PLB1: variants seen among roughly 807,000 people sequenced by gnomAD.
The protein encoded by PLB1 is phospholipase B1, also known as phospholipase B1, membrane-associated.
In PLB1, 242 loss-of-function variants were observed where a neutral mutation model predicts 227.4. The observed-to-expected ratio is 1.06, with a 90% CI of 0.96 to 1.18. The LOEUF (loss-of-function observed/expected upper bound fraction) is 1.18, where lower values mean the gene tolerates loss of function less well. Ranked by LOEUF, PLB1 falls within the 50% of genes most tolerant of loss-of-function variation. The pLI, the probability that PLB1 is intolerant of heterozygous loss-of-function variation, is 0.00. For synonymous variants in PLB1, 757 were observed against 682.2 expected, an observed-to-expected ratio of 1.11 and a Z score of -1.71; for missense variants, 1,858 against 1,816.3, an observed-to-expected ratio of 1.02 and a Z score of -0.42.
chr2:28,581,652 C>T (rs1040382774), intron 23 of PLB1, among the ~76,000 whole-genome samples: 10 of 152,046 alleles, frequency 6.6e-5, no homozygotes, highest in African/African-American at 2.4e-4. Flanking sequence ...TCAATATTGC[C>T]CACTGTGACT....
In PLB1 at chr2:28,532,123, T is replaced by C; in HGVS notation, c.484T>C (p.Phe162Leu). Residue 162 changes from phenylalanine (F) to leucine (L), a missense_variant, in exon 9 of 58, where the codon TTT becomes CTT. By Grantham distance (22) the Phe-to-Leu change is conservative (BLOSUM62 0). Coordinates refer to ENST00000327757, the MANE Select transcript of PLB1 (RefSeq NM_153021.5). ...MKENLQLDFQ[F>L]DWKLINVFFS... Reference sequence around the variant, plus strand: ...TTTTATTCAGCAACTTGACTTTCAATTTGACTGGAAGCTCATCAATGTGTT... The same window carrying C: ...TTTTATTCAGCAACTTGACTTTCAACTTGACTGGAAGCTCATCAATGTGTT... 6.2e-7 allele frequency: 1 copy of C among 1,611,924 alleles called. No individual in the cohort carries two copies. The highest frequency in any genetic ancestry group is 1.7e-5 in the Admixed American group (1 of 59,594).
intron 8 of PLB1, among the ~76,000 whole-genome samples, chr2:28,531,392 A>G (rs1433962895): frequency 6.6e-6 from 1 of 152,010 alleles, no homozygotes; most frequent in African/African-American, 2.4e-5. Context: ...TTTCATCACA[A>G]CTTCCACCTC....
chr2:28,550,138 C>T, intron 16 of PLB1, 54 bp downstream of exon 16: 1 of 1,318,696 alleles, frequency 7.6e-7, no homozygotes, highest in Non-Finnish European at 1.1e-6. Context: ...AGGGGCTGTA[C>T]TTCTTGCTGA....
At chr2:28,497,525 C>G (rs1666595170) in intron 1 of PLB1, among the ~76,000 whole-genome samples, 2 of 152,286 alleles carry the variant, frequency 1.3e-5, no homozygotes, top group South Asian at 4.1e-4. Flanking sequence ...GGGAGTGTAT[C>G]TGGCTTTCTC....
chr2:28,631,493 T>C (rs143932919), intron 54 of PLB1, among the ~76,000 whole-genome samples: 2 of 152,358 alleles, frequency 1.3e-5, no homozygotes, highest in African/African-American at 4.8e-5. Flanking sequence ...TTTTTCCAGA[T>C]GGATGATAAA....
chr2:28,589,521 GTTC>G lies in PLB1; in HGVS notation c.1890_1892del (p.Phe631del), dbSNP rs1681501792. The G allele has an allele frequency of 6.2e-7, 1 of 1,614,150 alleles. No homozygotes were observed. Among genetic ancestry groups the G allele is most frequent in the East Asian group, 2.2e-5 (1 of 44,872 alleles). ...AAGATTTTACTGTGGTTGTGCAGCC[GTTC>G]TTTGAAAACGTGGACATGCCAAAGA... is the stretch of plus-strand genomic sequence containing the variant. On this transcript the variant is annotated inframe_deletion, in exon 27 of 58. Coordinates refer to ENST00000327757, the MANE Select transcript of PLB1 (RefSeq NM_153021.5).
chr2:28,520,007 C>T (rs576136164), intron 4 of PLB1, among the ~76,000 whole-genome samples: 16 of 152,258 alleles, frequency 1.1e-4, no homozygotes, highest in African/African-American at 3.4e-4. Flanking sequence ...TGGCTGACCA[C>T]AACCTCCGTT....
Position 28,519,702 on chromosome 2 carries a change from C to T in PLB1, c.185-3C>T. 6.2e-7 allele frequency: 1 copy of T among 1,606,922 alleles called. No homozygotes were observed. Among genetic ancestry groups the T allele is most frequent in the Non-Finnish European group, 8.5e-7 (1 of 1,173,730 alleles). On this transcript the variant is annotated splice_polypyrimidine_tract_variant and splice_region_variant and intron_variant, in intron 3 of 57. Transcript: ENST00000327757. ...CTTCCTATATGGGTTCTTGTCTCCA[C>T]AGTTCACTCTCTGAAGCCTTCTGAT...
At chr2:28,631,963 C>T in intron 54 of PLB1, 73 bp from the exon 55 acceptor site, 1 of 1,310,270 alleles carries the variant, frequency 7.6e-7, no homozygotes, top group Non-Finnish European at 1.1e-6. Flanking sequence ...ACAACCAATC[C>T]AAGGCAGCAG....
chr2:28,565,257 A>G (rs753965834), intron 18 of PLB1, 23 bp from the exon 19 acceptor site: 9 of 1,599,846 alleles, frequency 5.6e-6, no homozygotes, highest in Non-Finnish European at 7.7e-6. Context: ...AGAGAAACTC[A>G]CCCCCTCATT....
At chr2:28,557,747 G>A (rs1416440943) in intron 17 of PLB1, among the ~76,000 whole-genome samples, 1 of 152,192 alleles carries the variant, frequency 6.6e-6, no homozygotes, top group Non-Finnish European at 1.5e-5. Flanking sequence ...TAGCTAATCA[G>A]CCCACACAAA....
chr2:28,643,052 G>C lies in PLB1; in HGVS notation c.4368G>C (p.Val1456=). 6.3e-7 allele frequency: 1 copy of C among 1,599,072 alleles called. No homozygotes were observed. Among genetic ancestry groups the C allele is most frequent in the Non-Finnish European group, 8.5e-7 (1 of 1,172,880 alleles). Residue 1456 remains valine (V), a synonymous_variant, in exon 58 of 58, where the codon GTG becomes GTC. Coordinates refer to ENST00000327757, the MANE Select transcript of PLB1 (RefSeq NM_153021.5). ...ATCCTCCAATGAGCCTGCGCACTGT[G>C]GCCCTCTAGGCCCGGGGGTGGGTCC... The part of the protein sequence containing the change: ...REDPPMSLRT[V]AL
chr2:28,525,445 A>G, intron 5 of PLB1, 138 bp downstream of exon 5: 6 of 971,136 alleles, frequency 6.2e-6, no homozygotes, highest in Non-Finnish European at 9.2e-6. Flanking sequence ...AGAAGGTAGC[A>G]GAGAAGCTCC....
intron 11 of PLB1, among the ~76,000 whole-genome samples, chr2:28,539,471 C>T (rs1200056416): frequency 2.0e-5 from 3 of 152,166 alleles, no homozygotes; most frequent in Non-Finnish European, 4.4e-5. Flanking sequence ...TTTCAGAGTT[C>T]GCCTTGGCAA....
chr2:28,631,397 C>T (rs1199005757), intron 54 of PLB1, among the ~76,000 whole-genome samples: 7 of 152,166 alleles, frequency 4.6e-5, no homozygotes, highest in African/African-American at 1.7e-4. Flanking sequence ...ACTTCACCCG[C>T]GGACATCTCC....
chr2:28,533,188 C>G (rs938975880), intron 9 of PLB1, among the ~76,000 whole-genome samples: 113 of 152,308 alleles, frequency 7.4e-4, no homozygotes, highest in Non-Finnish European at 1.1e-3. Flanking sequence ...CCCACTGACT[C>G]CAGGCTCACC....
At chr2:28,546,089 C>T (rs1407176828) in intron 14 of PLB1, among the ~76,000 whole-genome samples, 1 of 152,184 alleles carries the variant, frequency 6.6e-6, no homozygotes, top group East Asian at 1.9e-4. Flanking sequence ...GAGGTGACAG[C>T]AGCCCCATCT....
intron 18 of PLB1, among the ~76,000 whole-genome samples, chr2:28,563,450 A>G (rs1278091600): frequency 6.6e-6 from 1 of 151,902 alleles, no homozygotes; most frequent in African/African-American, 2.4e-5. Context: ...TCTCCAGACC[A>G]TGGTGTAGAA....
chr2:28,529,715 T>C lies in PLB1; in HGVS notation c.417-13T>C. On this transcript the variant is annotated splice_polypyrimidine_tract_variant and intron_variant, in intron 7 of 57. Coordinates refer to ENST00000327757, the MANE Select transcript of PLB1 (RefSeq NM_153021.5). ...TTTAGCCAATTTTTCTCTGTTTCCC[T>C]CCCTCTGCACAGAGACTTGTGGATT... 1.2e-6 allele frequency: 2 copies of C among 1,613,674 alleles called. No individual in the cohort carries two copies. The highest frequency in any genetic ancestry group is 1.7e-6 in the Non-Finnish European group (2 of 1,179,642).
Sources: gnomAD v4.1 joint callset for allele counts (sites outside exome capture counted in the v4.1 genomes callset) on GRCh38, gnomAD v4.1.1 for gene constraint, MANE v1.5 for transcripts, NCBI Gene and HGNC (gene_info 2026-07-23, HGNC 2026-07-21) for gene names.